Variants in PTK2 observed in about 807,000 individuals in gnomAD.
The protein encoded by PTK2 is focal adhesion kinase 1.
In PTK2, 45 loss-of-function variants were observed where a neutral mutation model predicts 150.1. The ratio of observed to expected loss-of-function variants is 0.30; its 90% CI spans 0.24 to 0.38. The LOEUF is 0.38. Ranked by LOEUF, PTK2 falls within the 10% of genes least tolerant of loss-of-function variation. PTK2 has a pLI of 1.00. For missense variants in PTK2, 919 were observed against 1,307.3 expected (o/e 0.70, Z 4.58); for synonymous variants, 432 against 449.2 (o/e 0.96, Z 0.48).
intron 10 of PTK2, among the ~76,000 whole-genome samples, chr8:140,817,001 T>G (rs940914597): frequency 6.6e-6 from 1 of 152,182 alleles, no homozygotes; most frequent in Non-Finnish European, 1.5e-5. Context: ...AAAGGAGTAT[T>G]TATTATGTCA....
At position 140,966,280 on chromosome 8, in the gene PTK2, T is replaced by C. The variant is rs1475043066; in HGVS notation, c.-122+34845A>G. Among the ~76,000 whole-genome samples the C allele has an allele frequency of 2.6e-5, 4 of 152,190 alleles. No homozygotes were observed. The East Asian group carries it at 7.7e-4, about 29-fold the overall frequency. On this transcript the variant is annotated intron_variant, in intron 1 of 31. Coordinates refer to ENST00000522684, the Ensembl canonical transcript of PTK2. Reference sequence around the variant, plus strand: ...TTTATATGATGCATGAATGACTTAATGAATAAATGAATGGATACACTGGCA... The same window carrying C: ...TTTATATGATGCATGAATGACTTAACGAATAAATGAATGGATACACTGGCA...
At chr8:140,816,185 A>G (rs2100104601) in intron 10 of PTK2, among the ~76,000 whole-genome samples, 1 of 152,216 alleles carries the variant, frequency 6.6e-6, no homozygotes, top group African/African-American at 2.4e-5. Context: ...TGCTCACAAT[A>G]TAAATTTTAA....
At chr8:140,658,753 G>A (rs978386702) in exon 32 of PTK2, 21 of 221,662 alleles carry the variant, frequency 9.5e-5, no homozygotes, top group Admixed American at 5.8e-4. Context: ...CTGCTTCCAA[G>A]AGAAATAACA....
chr8:140,762,356 G>T lies in PTK2; in HGVS notation c.1235-1094C>A. On this transcript the variant is annotated intron_variant, in intron 15 of 31. Transcript: ENST00000522684. ...GCAAGCAAATGCAGTTAATTTAAAG[G>T]AATCCTGTTACCTTCATCTATTCCA... 1 of 1,172,132 alleles carries T rather than the reference G, an allele frequency of 8.5e-7. No individual in the cohort carries two copies. Among genetic ancestry groups the T allele is most frequent in the Non-Finnish European group, 1.1e-6 (1 of 934,694 alleles). 72.6% of individuals were successfully genotyped at this position (1,172,132 alleles called of 1,614,324 possible).
chr8:140,937,768 C>T (rs2100174187), intron 1 of PTK2, among the ~76,000 whole-genome samples: 1 of 152,096 alleles, frequency 6.6e-6, no homozygotes. Flanking sequence ...ATATTTACTA[C>T]AATGTAATCT....
chr8:140,918,435 C>T (rs748228617), intron 2 of PTK2, among the ~76,000 whole-genome samples: 64 of 152,172 alleles, frequency 4.2e-4, no homozygotes, highest in Non-Finnish European at 8.7e-4. Context: ...ACCTAAAATA[C>T]CACTGTGAAC....
chr8:140,919,343 A>G (rs2100166514), intron 2 of PTK2, among the ~76,000 whole-genome samples: 1 of 152,254 alleles, frequency 6.6e-6, no homozygotes, highest in Non-Finnish European at 1.5e-5. Flanking sequence ...TAATTGAAAA[A>G]TAAGTTGTTT....
At chr8:140,675,662 G>C in intron 27 of PTK2, 163 bp from the exon 31 acceptor site, 1 of 593,082 alleles carries the variant, frequency 1.7e-6, no homozygotes, top group Non-Finnish European at 3.0e-6. Context: ...TGGGGTGGGG[G>C]ATCAGGCAAA....
At chr8:140,687,419 A>C (rs937911418) in intron 26 of PTK2, among the ~76,000 whole-genome samples, 1 of 152,154 alleles carries the variant, frequency 6.6e-6, no homozygotes, top group African/African-American at 2.4e-5. Flanking sequence ...TCTTGGCAGC[A>C]TATTTCCCTC....
At chr8:140,873,856 T>C (rs1159992449) in intron 4 of PTK2, among the ~76,000 whole-genome samples, 1 of 152,248 alleles carries the variant, frequency 6.6e-6, no homozygotes, top group Non-Finnish European at 1.5e-5. Context: ...AACTTGTTCT[T>C]GTACTTTCAA....
At chr8:140,827,285 C>T (rs868352732) in intron 8 of PTK2, among the ~76,000 whole-genome samples, 1 of 152,166 alleles carries the variant, frequency 6.6e-6, no homozygotes, top group Middle Eastern at 3.4e-3. Flanking sequence ...CCTCTGTTTC[C>T]TAGACAGCCT....
chr8:140,970,553 T>A (rs1054860453), intron 1 of PTK2, among the ~76,000 whole-genome samples: 4 of 152,248 alleles, frequency 2.6e-5, no homozygotes, highest in African/African-American at 9.6e-5. Context: ...CAGCAAATAA[T>A]GTCAGCTCTT....
At chr8:140,886,593 T>C (rs1262242212) in intron 3 of PTK2, among the ~76,000 whole-genome samples, 1 of 152,190 alleles carries the variant, frequency 6.6e-6, no homozygotes, top group African/African-American at 2.4e-5. Context: ...TGCTACAGTA[T>C]TTTCTTATGG....
At chr8:140,661,332 G>A (rs928550915) in intron 31 of PTK2, among the ~76,000 whole-genome samples, 1 of 152,218 alleles carries the variant, frequency 6.6e-6, no homozygotes, top group Non-Finnish European at 1.5e-5. Context: ...ATCTTCAGAG[G>A]AGAGGTGATG....
At chr8:140,832,180 AAGT>A (rs1270171000) in intron 7 of PTK2, among the ~76,000 whole-genome samples, 1 of 152,064 alleles carries the variant, frequency 6.6e-6, no homozygotes, top group African/African-American at 2.4e-5. Context: ...TCAGTATCCC[AAGT>A]AGCTGGGTTT....
chr8:140,719,847 C>T (rs1419144881), intron 22 of PTK2, among the ~76,000 whole-genome samples: 1 of 137,386 alleles, frequency 7.3e-6, no homozygotes, highest in Non-Finnish European at 1.5e-5. Context: ...GATAGCACCA[C>T]TGCACTCCAG....
At chr8:140,799,398 G>A (rs2100093616) in intron 12 of PTK2, 2 of 152,192 alleles carry the variant, frequency 1.3e-5, no homozygotes, top group African/African-American at 2.4e-5. Flanking sequence ...AGCACTTCAG[G>A]ACTTTTTTTC....
intron 12 of PTK2, among the ~76,000 whole-genome samples, chr8:140,797,403 A>G (rs1367159471): frequency 6.6e-6 from 1 of 152,196 alleles, no homozygotes; most frequent in Non-Finnish European, 1.5e-5. Context: ...GTACTAAACG[A>G]AACGTTTTAA....
intron 1 of PTK2, among the ~76,000 whole-genome samples, chr8:140,977,098 A>G (rs1256051867): frequency 1.3e-5 from 2 of 152,352 alleles, no homozygotes; most frequent in East Asian, 3.9e-4. Context: ...AGAACAATAA[A>G]TGCTTTATGG....
Sources: gnomAD v4.1 joint callset for allele counts (sites outside exome capture counted in the v4.1 genomes callset) on GRCh38, gnomAD v4.1.1 for gene constraint, MANE v1.5 for transcripts, NCBI Gene and HGNC (gene_info 2026-07-23, HGNC 2026-07-21) for gene names.